KCNMB2: variants seen among roughly 807,000 people sequenced by gnomAD.
KCNMB2 encodes the protein potassium calcium-activated channel subfamily M regulatory beta subunit 2.
KCNMB2 carries 9 observed loss-of-function variants against 24.5 expected under a neutral mutation model. The observed-to-expected ratio is 0.37, with a 90% CI of 0.22 to 0.64. KCNMB2 has a LOEUF of 0.64. Among genes scored for constraint, KCNMB2 ranks in the 30% least tolerant of loss-of-function variants. The pLI is 0.63. For synonymous variants in KCNMB2, 109 were observed against 104.4 expected, an observed-to-expected ratio of 1.04 and a Z score of -0.27; for missense variants, 226 against 284.3, an observed-to-expected ratio of 0.79 and a Z score of 1.47.
chr3:178,825,021 C>T (rs1270986536), intron 2 of KCNMB2, among the ~76,000 whole-genome samples: 1 of 152,218 alleles, frequency 6.6e-6, no homozygotes, highest in Non-Finnish European at 1.5e-5. Context: ...CACTCTACAT[C>T]TTCACACTGC....
intron 1 of KCNMB2, among the ~76,000 whole-genome samples, chr3:178,730,329 C>T (rs1723102712): frequency 6.6e-6 from 1 of 151,914 alleles, no homozygotes; most frequent in Admixed American, 6.6e-5. Context: ...TGTATAAAGT[C>T]AGAAGGTATC....
At chr3:178,730,609 C>T (rs1191505270) in intron 1 of KCNMB2, among the ~76,000 whole-genome samples, 1 of 152,134 alleles carries the variant, frequency 6.6e-6, no homozygotes, top group African/African-American at 2.4e-5. Context: ...TTCCGTCAAA[C>T]AATGAAATGG....
At chr3:178,703,270 A>G (rs986517890) in intron 1 of KCNMB2, among the ~76,000 whole-genome samples, 11 of 152,150 alleles carry the variant, frequency 7.2e-5, no homozygotes, top group Non-Finnish European at 1.5e-4. Flanking sequence ...TGCAAGTGAG[A>G]AAAGGGGTTG....
chr3:178,595,568 G>A (rs1204314484), intron 1 of KCNMB2, among the ~76,000 whole-genome samples: 1 of 152,068 alleles, frequency 6.6e-6, no homozygotes, highest in African/African-American at 2.4e-5. Flanking sequence ...ATGGTAGTGA[G>A]TTAGTGCTAA....
chr3:178,632,931 T>G (rs1018142239), intron 1 of KCNMB2, among the ~76,000 whole-genome samples: 1 of 152,100 alleles, frequency 6.6e-6, no homozygotes, highest in East Asian at 1.9e-4. Flanking sequence ...ATAGAAGAAA[T>G]TGTTCAAAAC....
At chr3:178,569,708 A>G (rs1445328711) in intron 1 of KCNMB2, among the ~76,000 whole-genome samples, 1 of 152,226 alleles carries the variant, frequency 6.6e-6, no homozygotes, top group African/African-American at 2.4e-5. Context: ...TGTAAACTGT[A>G]AAGAATTATA....
intron 1 of KCNMB2, among the ~76,000 whole-genome samples, chr3:178,583,349 T>C (rs1717285536): frequency 6.6e-6 from 1 of 152,204 alleles, no homozygotes; most frequent in South Asian, 2.1e-4. Flanking sequence ...TAAATCTTAT[T>C]TTCTTATTTA....
chr3:178,607,057 T>C (rs1320565902), intron 1 of KCNMB2, among the ~76,000 whole-genome samples: 2 of 152,188 alleles, frequency 1.3e-5, no homozygotes, highest in African/African-American at 4.8e-5. Flanking sequence ...CAGCTTATGG[T>C]AGTTTATTAT....
chr3:178,694,757 T>C (rs370861358), intron 1 of KCNMB2, among the ~76,000 whole-genome samples: 1 of 152,252 alleles, frequency 6.6e-6, no homozygotes, highest in African/African-American at 2.4e-5. Context: ...TTTTGAACAG[T>C]TCTGCCCATG....
chr3:178,537,143 T>C (rs1560101944), intron 1 of KCNMB2: 1 of 152,180 alleles, frequency 6.6e-6, no homozygotes, highest in Non-Finnish European at 1.5e-5. Context: ...ATTTCTACAG[T>C]CAATGTGTTT....
At chr3:178,546,387 G>C (rs1293436949) in intron 1 of KCNMB2, among the ~76,000 whole-genome samples, 2 of 152,196 alleles carry the variant, frequency 1.3e-5, no homozygotes, top group African/African-American at 2.4e-5. Context: ...AGCATATAAA[G>C]TTGTAATTTT....
chr3:178,641,185 C>T (rs1301682743), intron 1 of KCNMB2, among the ~76,000 whole-genome samples: 2 of 151,902 alleles, frequency 1.3e-5, no homozygotes, highest in African/African-American at 4.8e-5. Flanking sequence ...TAGATTTTTG[C>T]TTTTTTATAA....
At chr3:178,746,724 T>C (rs563959891) in intron 1 of KCNMB2, among the ~76,000 whole-genome samples, 1 of 152,266 alleles carries the variant, frequency 6.6e-6, no homozygotes, top group East Asian at 1.9e-4. Context: ...ACCTAAATCA[T>C]CTCTCTCAAG....
At chr3:178,818,432 C>T (rs1168176862) in intron 2 of KCNMB2, among the ~76,000 whole-genome samples, 1 of 152,134 alleles carries the variant, frequency 6.6e-6, no homozygotes, top group Non-Finnish European at 1.5e-5. Flanking sequence ...CACTCCCACT[C>T]TCCCCCAACA....
At chr3:178,562,691 T>C (rs919956835) in intron 1 of KCNMB2, among the ~76,000 whole-genome samples, 1 of 152,194 alleles carries the variant, frequency 6.6e-6, no homozygotes, top group Non-Finnish European at 1.5e-5. Context: ...TGTGCTGAAA[T>C]ACACAAATCT....
At chr3:178,741,470 C>G (rs996777849) in intron 1 of KCNMB2, among the ~76,000 whole-genome samples, 1 of 152,194 alleles carries the variant, frequency 6.6e-6, no homozygotes, top group African/African-American at 2.4e-5. Flanking sequence ...ACCTCCATCA[C>G]ATTTATCCCT....
chr3:178,756,155 T>A (rs1233874443), intron 1 of KCNMB2, among the ~76,000 whole-genome samples: 1 of 152,122 alleles, frequency 6.6e-6, no homozygotes, highest in Non-Finnish European at 1.5e-5. Flanking sequence ...GTGAAAAGCA[T>A]GATCCCATTT....
rs1374230428 is a variant in KCNMB2 at position 178,566,316 on chromosome 3, A to G, written c.-68+29605A>G. 2.6e-5 allele frequency among the ~76,000 whole-genome samples: 4 copies of G among 152,360 alleles called. No individual in the cohort carries two copies. The East Asian group carries it at 5.8e-4, about 22-fold the overall frequency. On this transcript the variant is annotated intron_variant, in intron 1 of 4. Transcript: ENST00000452583. ...TAAAGGTATTAATTTTCTATTAGAT[A>G]CTTTTAGAGGTAGGTCTAAATATAA...
At chr3:178,586,523 C>CTT (rs1160913551) in intron 1 of KCNMB2, among the ~76,000 whole-genome samples, 6 of 61,804 alleles carry the variant, frequency 9.7e-5, no homozygotes, top group South Asian at 5.2e-4. Flanking sequence ...ATTTTCTTTT[C>CTT]TTTTTTTTTT....
Sources: gnomAD v4.1 joint callset for allele counts (sites outside exome capture counted in the v4.1 genomes callset) on GRCh38, gnomAD v4.1.1 for gene constraint, MANE v1.5 for transcripts, NCBI Gene and HGNC (gene_info 2026-07-23, HGNC 2026-07-21) for gene names.